RUNX1: variants seen among roughly 807,000 people sequenced by gnomAD.
RUNX1 encodes RUNX family transcription factor 1, also known as runt-related transcription factor 1.
In RUNX1, 19 loss-of-function variants were observed where a neutral mutation model predicts 42.8. The observed-to-expected ratio is 0.44, with a 90% CI of 0.31 to 0.65. The LOEUF (loss-of-function observed/expected upper bound fraction) is 0.65. Ranked by LOEUF, RUNX1 falls within the 30% of genes least tolerant of loss-of-function variation. RUNX1 has a pLI of 0.07. For missense variants in RUNX1, 528 were observed against 672.0 expected, an observed-to-expected ratio of 0.79 and a Z score of 2.37; for synonymous variants, 271 against 289.4, an observed-to-expected ratio of 0.94 and a Z score of 0.64.
At chr21:34,813,751 G>A (rs551488812) in intron 7 of RUNX1, among the ~76,000 whole-genome samples, 6 of 151,966 alleles carry the variant, frequency 3.9e-5, no homozygotes, top group South Asian at 2.1e-4. Flanking sequence ...AGATAATGAC[G>A]CAAATCACCG....
chr21:34,930,270 G>GTGTGTGTGTATATATA (rs372412304), intron 2 of RUNX1, among the ~76,000 whole-genome samples: 3 of 123,034 alleles, frequency 2.4e-5, no homozygotes, highest in African/African-American at 1.1e-4. Flanking sequence ...GTGTGTGTAT[G>GTGTGTGTGTATATATA]TATATATATA....
intron 4 of RUNX1, among the ~76,000 whole-genome samples, chr21:34,884,581 C>T (rs1261534671): frequency 6.6e-6 from 1 of 152,214 alleles, no homozygotes; most frequent in East Asian, 1.9e-4. Flanking sequence ...GCCAGGGACA[C>T]ACACTAAATG....
In RUNX1 at chr21:34,791,441, AC is replaced by A. The variant is rs1180370257; in HGVS notation, c.*693del. On this transcript the variant is annotated 3_prime_UTR_variant, in exon 9 of 9. Coordinates refer to ENST00000675419, the MANE Select transcript of RUNX1 (RefSeq NM_001754.5). ...AAAGCTGTAGCTGTTTCTCAAAAAAACAAAACAAAACAAAAAAAAACAACTA... is the reference window on the plus strand; with the variant it reads ...AAAGCTGTAGCTGTTTCTCAAAAAAAAAAACAAAACAAAAAAAAACAACTA... 2.6e-5 allele frequency: 6 copies of A among 232,420 alleles called. No individual in the cohort carries two copies. The highest frequency in any genetic ancestry group is 1.8e-4 in the South Asian group (1 of 5,522). The allele number at this position is 232,420 out of a possible 1,614,324, so 14.4% of individuals were successfully genotyped here.
intron 2 of RUNX1, among the ~76,000 whole-genome samples, chr21:34,971,330 T>C (rs1410752362): frequency 6.6e-6 from 1 of 152,186 alleles, no homozygotes; most frequent in African/African-American, 2.4e-5. Context: ...GATTTCTAAA[T>C]AATAGATTGA....
intron 7 of RUNX1, among the ~76,000 whole-genome samples, chr21:34,822,691 G>A (rs538952771): frequency 2.4e-4 from 36 of 152,290 alleles, no homozygotes; most frequent in African/African-American, 8.7e-4. Flanking sequence ...CCACTTAGTG[G>A]GCAGAAAGGC....
rs1439534438 is a variant in RUNX1 at position 34,792,566 on chromosome 21, C to CG, written c.1011dup (p.Ala338ArgfsTer262). ...CGGGGGTCGGAGATGGAGGGCAGCG[C>CG]GGGGAACTGGCGCGGGTCGCTGAAC... On this transcript the variant is annotated frameshift_variant, in exon 9 of 9. Transcript: ENST00000675419. LOFTEE classifies it high-confidence loss of function. The surrounding 1 kb of genome is among the most constrained non-coding windows in gnomAD (Gnocchi z 6.9). 6.2e-7 allele frequency: 1 copy of CG among 1,606,336 alleles called. No homozygotes were observed. Among genetic ancestry groups the CG allele is most frequent in the Non-Finnish European group, 8.5e-7 (1 of 1,176,750 alleles).
intron 2 of RUNX1, among the ~76,000 whole-genome samples, chr21:34,939,768 C>A (rs954940390): frequency 6.6e-6 from 1 of 152,182 alleles, no homozygotes; most frequent in Non-Finnish European, 1.5e-5. Flanking sequence ...AAGATCCCAA[C>A]CAGCGTCTAT....
intron 2 of RUNX1, among the ~76,000 whole-genome samples, chr21:35,012,164 C>T (rs541001443): frequency 6.6e-6 from 1 of 152,256 alleles, no homozygotes; most frequent in East Asian, 1.9e-4. Context: ...GTTTAAAAAT[C>T]GGCTGGCATG....
chr21:34,944,470 T>C (rs975242830), intron 2 of RUNX1, among the ~76,000 whole-genome samples: 1 of 152,230 alleles, frequency 6.6e-6, no homozygotes, highest in African/African-American at 2.4e-5. Context: ...TAAGTTTTGA[T>C]TGGTTAATAT....
intron 2 of RUNX1, among the ~76,000 whole-genome samples, chr21:34,914,475 T>C (rs1273004000): frequency 1.3e-5 from 2 of 152,138 alleles, no homozygotes; most frequent in Non-Finnish European, 2.9e-5. Flanking sequence ...ACACCTACTG[T>C]ACCCACAATA....
At chr21:34,925,289 G>C (rs975154446) in intron 2 of RUNX1, among the ~76,000 whole-genome samples, 1 of 152,160 alleles carries the variant, frequency 6.6e-6, no homozygotes, top group Non-Finnish European at 1.5e-5. Context: ...AATGTTATGG[G>C]TTGAATTGTG....
rs1439574176 is a variant in RUNX1 at position 34,848,771 on chromosome 21, C to T, written c.613+10703G>A. ...TTTTGAAACACTGGGCTATGCCTGG[C>T]GAGTAGTGTCCGAGAGGCGCGTGGG... On this transcript the variant is annotated intron_variant, in intron 6 of 8. Coordinates refer to ENST00000675419, the MANE Select transcript of RUNX1 (RefSeq NM_001754.5). Among the ~76,000 whole-genome samples, 5 of 152,230 alleles carry T rather than the reference C, an allele frequency of 3.3e-5. No homozygotes were observed. In the East Asian group the frequency reaches 7.7e-4, roughly 24 times the overall value.
intron 2 of RUNX1, among the ~76,000 whole-genome samples, chr21:35,043,488 G>T (rs376721712): frequency 6.6e-6 from 1 of 152,204 alleles, no homozygotes; most frequent in South Asian, 2.1e-4. Context: ...TCTTGCATTT[G>T]TGAAATGATG....
chr21:34,845,535 A>G (rs1413250644), intron 6 of RUNX1, among the ~76,000 whole-genome samples: 1 of 152,094 alleles, frequency 6.6e-6, no homozygotes, highest in Non-Finnish European at 1.5e-5. Flanking sequence ...CCTTTTCAAC[A>G]ACTGTTTTGA....
chr21:34,954,980 T>C (rs2058634409), intron 2 of RUNX1, among the ~76,000 whole-genome samples: 1 of 152,224 alleles, frequency 6.6e-6, no homozygotes, highest in African/African-American at 2.4e-5. Context: ...GATTCGGAGT[T>C]GGAAAATACA....
chr21:34,938,060 G>C (rs2058499734), intron 2 of RUNX1, among the ~76,000 whole-genome samples: 1 of 152,062 alleles, frequency 6.6e-6, no homozygotes, highest in Admixed American at 6.6e-5. Flanking sequence ...GACATGTATG[G>C]GTTCTGCAGT....
At chr21:35,031,355 A>C (rs1240991994) in intron 2 of RUNX1, among the ~76,000 whole-genome samples, 1 of 152,198 alleles carries the variant, frequency 6.6e-6, no homozygotes, top group East Asian at 1.9e-4. Flanking sequence ...TCTCAAAAAA[A>C]TAGAAAAATC....
chr21:34,999,631 T>G (rs1482824337), intron 2 of RUNX1, among the ~76,000 whole-genome samples: 1 of 152,182 alleles, frequency 6.6e-6, no homozygotes, highest in African/African-American at 2.4e-5. Flanking sequence ...AATCTAGTGT[T>G]CGACATGTGG....
intron 2 of RUNX1, among the ~76,000 whole-genome samples, chr21:34,909,882 CCT>C (rs2058258331): frequency 6.6e-6 from 1 of 152,070 alleles, no homozygotes; most frequent in Non-Finnish European, 1.5e-5. Flanking sequence ...TCCTCCAGTT[CCT>C]CTTTCCTTTC....
Sources: gnomAD v4.1 joint callset for allele counts (sites outside exome capture counted in the v4.1 genomes callset) on GRCh38, gnomAD v4.1.1 for gene constraint, Gnocchi (gnomAD v3.1) non-coding constraint, MANE v1.5 for transcripts, NCBI Gene and HGNC (gene_info 2026-07-23, HGNC 2026-07-21) for gene names.